Variants in GSE1 observed in about 807,000 individuals in gnomAD.
The protein encoded by GSE1 is Gse1 coiled-coil protein.
A neutral mutation model predicts 112.6 loss-of-function variants in GSE1; 32 were observed. The ratio of observed to expected loss-of-function variants is 0.28; its 90% CI spans 0.21 to 0.38. GSE1 has a LOEUF of 0.38. Ranked by LOEUF, GSE1 falls within the 10% of genes least tolerant of loss-of-function variation. The probability of loss-of-function intolerance (pLI) is 1.00; values close to 1 mark genes in which losing one functional copy is unlikely to be tolerated. For missense variants in GSE1, 2,348 were observed against 1,699.2 expected, an observed-to-expected ratio of 1.38 and a Z score of -6.71; for synonymous variants, 1,115 against 735.6, an observed-to-expected ratio of 1.52 and a Z score of -8.35.
chr16:85,300,712 C>T (rs764194231), intron 1 of GSE1, among the ~76,000 whole-genome samples: 5 of 152,336 alleles, frequency 3.3e-5, no homozygotes, highest in East Asian at 1.9e-4. Context: ...TTGGAGCAGC[C>T]GCTCTGCACC....
At chr16:85,338,173 G>A (rs2046545756) in intron 1 of GSE1, among the ~76,000 whole-genome samples, 3 of 152,224 alleles carry the variant, frequency 2.0e-5, no homozygotes, top group African/African-American at 7.2e-5. Context: ...CAGGCTGCCT[G>A]GGCGTTGCCT....
chr16:85,556,616 G>T (rs941892587), intron 1 of GSE1, among the ~76,000 whole-genome samples: 2 of 151,316 alleles, frequency 1.3e-5, no homozygotes, highest in African/African-American at 4.8e-5. Context: ...TGCGCGTCTC[G>T]CTCCTTTTGT....
chr16:85,512,718 A>G (rs769774773), intron 2 of GSE1, among the ~76,000 whole-genome samples: 3 of 152,138 alleles, frequency 2.0e-5, no homozygotes, highest in Non-Finnish European at 2.9e-5. Flanking sequence ...TCCGATATCA[A>G]AGCGCTCCCA....
At chr16:85,335,357 C>A (rs563022308) in intron 1 of GSE1, among the ~76,000 whole-genome samples, 1 of 152,256 alleles carries the variant, frequency 6.6e-6, no homozygotes, top group Admixed American at 6.5e-5. Flanking sequence ...GGCATTCTTT[C>A]CTCGGCAAGC....
At chr16:85,534,336 G>A (rs1286749185) in intron 2 of GSE1, among the ~76,000 whole-genome samples, 1 of 152,000 alleles carries the variant, frequency 6.6e-6, no homozygotes, top group African/African-American at 2.4e-5. Flanking sequence ...TGGCCAGGCT[G>A]GTCTTGAACT....
intron 2 of GSE1, among the ~76,000 whole-genome samples, chr16:85,535,875 T>C (rs572021079): frequency 1.7e-4 from 26 of 152,366 alleles, no homozygotes; most frequent in African/African-American, 6.0e-4. Flanking sequence ...TGTCCGGCCC[T>C]ACCTCTACCT....
chr16:85,191,474 A>G (rs2074819351), intron 1 of GSE1, among the ~76,000 whole-genome samples: 1 of 152,154 alleles, frequency 6.6e-6, no homozygotes, highest in African/African-American at 2.4e-5. Context: ...TGATTATTCC[A>G]TGCTTGCTGT....
At chr16:85,481,919 A>T (rs988767341) in intron 2 of GSE1, among the ~76,000 whole-genome samples, 1 of 152,216 alleles carries the variant, frequency 6.6e-6, no homozygotes, top group African/African-American at 2.4e-5. Context: ...CGGCATCCAC[A>T]TTCTCAGCCG....
At chr16:85,495,345 G>T (rs908393554) in intron 2 of GSE1, among the ~76,000 whole-genome samples, 16 of 152,176 alleles carry the variant, frequency 1.1e-4, no homozygotes, top group African/African-American at 3.6e-4. Flanking sequence ...GGCAGCGTGA[G>T]CCCTGCTAGG....
intron 1 of GSE1, among the ~76,000 whole-genome samples, chr16:85,308,585 A>G (rs987750048): frequency 4.5e-4 from 68 of 152,232 alleles, no homozygotes; most frequent in African/African-American, 1.6e-3. Flanking sequence ...AAACCTTCTC[A>G]TCTATTTATT....
chr16:85,486,275 G>A (rs1359227739), intron 2 of GSE1, among the ~76,000 whole-genome samples: 2 of 149,850 alleles, frequency 1.3e-5, no homozygotes, highest in African/African-American at 5.0e-5. Context: ...ATACTCACAG[G>A]TGGACGCTGT....
In GSE1 at chr16:85,281,684, A is replaced by G. The variant is rs546054502; in HGVS notation, c.2284-75779A>G. Among the ~76,000 whole-genome samples, 625 of 152,324 alleles carry G rather than the reference A, an allele frequency of 4.1e-3. 3 individuals carry two copies. Among genetic ancestry groups the G allele is most frequent in the South Asian group, 4.8e-3 (23 of 4,826 alleles). On this transcript the variant is annotated intron_variant, in intron 1 of 2. Transcript: ENST00000637419. ...TCCCTCCTACCTGGTCACCGTGGGC[A>G]AAACCAAGGTGCATGGACGTGGTTT...
intron 8 of GSE1, among the ~76,000 whole-genome samples, chr16:85,658,654 C>A (rs761950245): frequency 6.6e-6 from 1 of 152,230 alleles, no homozygotes; most frequent in Admixed American, 6.5e-5. Context: ...CTGCCCGGCA[C>A]GGCCGAAGTG....
intron 2 of GSE1, among the ~76,000 whole-genome samples, chr16:85,375,513 A>C (rs2047399583): frequency 6.6e-6 from 1 of 152,232 alleles, no homozygotes; most frequent in South Asian, 2.1e-4. Flanking sequence ...GGTGGGGTGC[A>C]GGGCAGCCGG....
At chr16:85,441,953 G>C (rs994213311) in intron 2 of GSE1, among the ~76,000 whole-genome samples, 2 of 152,144 alleles carry the variant, frequency 1.3e-5, no homozygotes, top group African/African-American at 2.4e-5. Context: ...AACTCTTCAC[G>C]ATGGCCTAAA....
rs55658057 is a variant in GSE1, at chr16:85,476,635, CATTT to C, written c.2464+119005_2464+119008del. Reference sequence around the variant, plus strand: ...ACCCACTGTGATGATGTAATTCTTTCATTTATTTATTTATTTTTGAGACAGGGTC... The same window carrying C: ...ACCCACTGTGATGATGTAATTCTTTCATTTATTTATTTTTGAGACAGGGTC... On this transcript the variant is annotated intron_variant, in intron 2 of 2. Coordinates refer to the GSE1 transcript ENST00000637419. Among the ~76,000 whole-genome samples the C allele has an allele frequency of 2.0e-5, 3 of 151,454 alleles. No homozygotes were observed. The East Asian group carries it at 5.8e-4, about 29-fold the overall frequency.
intron 2 of GSE1, among the ~76,000 whole-genome samples, chr16:85,533,049 A>C (rs11642725): frequency 0.53 from 81,041 of 152,040 alleles, 22,298 homozygotes; most frequent in East Asian, 0.77. Context: ...TCTGGTCTCC[A>C]AGGTGAGGAC....
chr16:85,350,914 G>A (rs1031785544), intron 1 of GSE1, among the ~76,000 whole-genome samples: 2 of 152,138 alleles, frequency 1.3e-5, no homozygotes, highest in Admixed American at 6.5e-5. Flanking sequence ...CGAGTAGCTG[G>A]GATTACAGGC....
At chr16:85,337,012 C>A (rs563775767) in intron 1 of GSE1, among the ~76,000 whole-genome samples, 496 of 63,628 alleles carry the variant, frequency 7.8e-3, no homozygotes, top group Middle Eastern at 0.045. Context: ...ACACACATAT[C>A]CACAGGCACA....
Sources: allele counts gnomAD v4.1 joint callset (sites outside exome capture counted in the v4.1 genomes callset), GRCh38; gene constraint gnomAD v4.1.1; transcripts MANE v1.5; gene names NCBI Gene and HGNC (gene_info 2026-07-23, HGNC 2026-07-21).